SLC9B1: variants seen among roughly 807,000 people sequenced by gnomAD.
SLC9B1 encodes the protein solute carrier family 9 member B1.
In SLC9B1, 32 loss-of-function variants were observed where a neutral mutation model predicts 51.7. The ratio of observed to expected loss-of-function variants is 0.62; its 90% CI spans 0.47 to 0.83. The LOEUF (loss-of-function observed/expected upper bound fraction) is 0.83, where lower values mean the gene tolerates loss of function less well. Ranked by LOEUF, SLC9B1 falls within the 40% of genes least tolerant of loss-of-function variation. SLC9B1 has a pLI of 0.00. For missense variants in SLC9B1, 406 were observed against 613.2 expected (o/e 0.66, Z 3.57); for synonymous variants, 145 against 212.7 (o/e 0.68, Z 2.77).
intron 1 of SLC9B1, among the ~76,000 whole-genome samples, chr4:102,997,920 T>C (rs1247121804): frequency 6.6e-6 from 1 of 152,202 alleles, no homozygotes; most frequent in African/African-American, 2.4e-5. Context: ...TTAACTGTCA[T>C]TCTTGCTATG....
chr4:103,016,276 A>C (rs1240538015), intron 1 of SLC9B1, among the ~76,000 whole-genome samples: 2 of 151,776 alleles, frequency 1.3e-5, no homozygotes, highest in African/African-American at 4.8e-5. Flanking sequence ...ACTCTCTCTT[A>C]TACCATCATT....
rs577044047 is a variant in SLC9B1, at chr4:103,005,256, C to T, written c.-1-13544G>A. On this transcript the variant is annotated intron_variant, in intron 1 of 11. Coordinates refer to ENST00000296422, the MANE Select transcript of SLC9B1 (RefSeq NM_139173.4). ...AAGGAATAGAGAAAAATCTACCAAG[C>T]AAATTAAAAAAAAAAAAAAAACCAG... 6.4e-3 allele frequency among the ~76,000 whole-genome samples: 618 copies of T among 96,986 alleles called. 5 individuals are homozygous for T. The highest frequency in any genetic ancestry group is 1.0e-2 in the Non-Finnish European group (518 of 51,820). The allele number at this position is 96,986 out of a possible 152,430, so 63.6% of individuals were successfully genotyped here. A position where few individuals can be genotyped will look rare whatever the true frequency, so the allele number is the denominator to read the frequency against.
intron 6 of SLC9B1, among the ~76,000 whole-genome samples, chr4:102,939,406 C>CAAAAAA (rs56014819): frequency 3.4e-4 from 23 of 68,230 alleles, no homozygotes; most frequent in East Asian, 4.7e-4. Flanking sequence ...GTCTCTGAGC[C>CAAAAAA]AAAAAAAAAA....
chr4:102,890,205 T>A (rs1314321602), intron 11 of SLC9B1: 1 of 152,240 alleles, frequency 6.6e-6, no homozygotes, highest in Admixed American at 6.5e-5. Flanking sequence ...CCAAATACGA[T>A]GATTCATTAA....
intron 6 of SLC9B1, among the ~76,000 whole-genome samples, chr4:102,941,639 C>CAAA (rs34497777): frequency 4.9e-5 from 4 of 81,814 alleles, no homozygotes; most frequent in Admixed American, 1.4e-4. Flanking sequence ...GACTCCGTCT[C>CAAA]AAAAAAAAAA....
chr4:102,914,573 T>C (rs1282824194), intron 7 of SLC9B1, among the ~76,000 whole-genome samples: 1 of 152,188 alleles, frequency 6.6e-6, no homozygotes, highest in East Asian at 1.9e-4. Context: ...TGATTAGGTC[T>C]GATGTCTTTC....
In SLC9B1 at chr4:102,950,201, T is replaced by C. The variant is rs548184303; in HGVS notation, c.212-774A>G. On this transcript the variant is annotated intron_variant, in intron 3 of 11. Coordinates refer to ENST00000296422, the MANE Select transcript of SLC9B1 (RefSeq NM_139173.4). Reference sequence around the variant, plus strand: ...AATCTTTTAAGAGGAACCTACTAAATCTTTGTATTGAAAGGATAATTCAAC... The same window carrying C: ...AATCTTTTAAGAGGAACCTACTAAACCTTTGTATTGAAAGGATAATTCAAC... Among the ~76,000 whole-genome samples the C allele has an allele frequency of 2.6e-5, 4 of 152,314 alleles. No individual in the cohort carries two copies. In the East Asian group the frequency reaches 7.7e-4, roughly 29 times the overall value.
intron 3 of SLC9B1, among the ~76,000 whole-genome samples, chr4:102,958,603 A>C (rs1560951831): frequency 1.3e-5 from 2 of 152,084 alleles, no homozygotes; most frequent in African/African-American, 2.4e-5. Context: ...ATAAGCTATG[A>C]CCATGCCATT....
intron 7 of SLC9B1, among the ~76,000 whole-genome samples, chr4:102,916,451 T>C (rs530841928): frequency 6.6e-6 from 1 of 152,224 alleles, no homozygotes; most frequent in African/African-American, 2.4e-5. Flanking sequence ...ATAGACAGAA[T>C]TGAGGGGTAA....
At chr4:102,959,930 T>A (rs1400666947) in intron 3 of SLC9B1, among the ~76,000 whole-genome samples, 1 of 151,828 alleles carries the variant, frequency 6.6e-6, no homozygotes, top group East Asian at 1.9e-4. Flanking sequence ...GTGCAACAAA[T>A]CCACATGACA....
At chr4:102,981,099 T>C (rs1278286250) in intron 3 of SLC9B1, among the ~76,000 whole-genome samples, 2 of 152,298 alleles carry the variant, frequency 1.3e-5, no homozygotes, top group South Asian at 2.1e-4. Context: ...TCGCACAGAA[T>C]GTAGCTATTT....
At chr4:102,914,516 G>T (rs1353263458) in intron 7 of SLC9B1, among the ~76,000 whole-genome samples, 1 of 152,092 alleles carries the variant, frequency 6.6e-6, no homozygotes, top group African/African-American at 2.4e-5. Flanking sequence ...TCATCCGACT[G>T]CCAGGAATGA....
At chr4:102,968,885 C>T (rs1368760546) in intron 3 of SLC9B1, among the ~76,000 whole-genome samples, 1 of 152,200 alleles carries the variant, frequency 6.6e-6, no homozygotes, top group Non-Finnish European at 1.5e-5. Context: ...GATTATATCC[C>T]CTGCCTGGCT....
At chr4:102,994,648 T>C (rs1339623971) in intron 1 of SLC9B1, among the ~76,000 whole-genome samples, 2 of 151,986 alleles carry the variant, frequency 1.3e-5, no homozygotes, top group Admixed American at 6.6e-5. Context: ...CGAGACTGGG[T>C]AATTTATAAA....
intron 1 of SLC9B1, among the ~76,000 whole-genome samples, chr4:102,995,124 G>A (rs748655234): frequency 2.0e-5 from 3 of 152,076 alleles, no homozygotes; most frequent in Non-Finnish European, 2.9e-5. Context: ...ATTTTGAGGA[G>A]AGGACACAAA....
intron 3 of SLC9B1, among the ~76,000 whole-genome samples, chr4:102,988,905 C>T (rs1739802641): frequency 6.6e-6 from 1 of 152,046 alleles, no homozygotes; most frequent in Non-Finnish European, 1.5e-5. Flanking sequence ...ATTTCCCTCT[C>T]TTCCACAGAC....
Position 102,921,850 on chromosome 4 carries a change from AG to A in SLC9B1, c.829+10273del, listed in dbSNP as rs543433640. 1.4e-3 allele frequency among the ~76,000 whole-genome samples: 208 copies of A among 152,374 alleles called. No homozygotes were observed. In the Middle Eastern group the frequency reaches 0.017, roughly 12 times the overall value. On this transcript the variant is annotated intron_variant, in intron 7 of 11. Transcript: ENST00000296422. ...TAATGGTAAAGGGATCAATTCAACA[AG>A]AAGAGCTAACTATCCTAAATATATA...
chr4:102,986,035 TTGTG>T (rs1739600647), intron 3 of SLC9B1, among the ~76,000 whole-genome samples: 1 of 152,282 alleles, frequency 6.6e-6, no homozygotes, highest in African/African-American at 2.4e-5. Flanking sequence ...AATTTTATCT[TTGTG>T]TATTTCCTTT....
intron 3 of SLC9B1, among the ~76,000 whole-genome samples, chr4:102,958,500 A>T (rs1244194359): frequency 6.6e-6 from 1 of 152,092 alleles, no homozygotes; most frequent in East Asian, 1.9e-4. Context: ...ATTTAAGCAA[A>T]ATTACCCAGG....
Sources: gnomAD v4.1 joint callset for allele counts (sites outside exome capture counted in the v4.1 genomes callset) on GRCh38, gnomAD v4.1.1 for gene constraint, MANE v1.5 for transcripts, NCBI Gene and HGNC (gene_info 2026-07-23, HGNC 2026-07-21) for gene names.